PEAK1: variants seen among roughly 807,000 people sequenced by gnomAD.
The protein encoded by PEAK1 is inactive tyrosine-protein kinase PEAK1.
Under a neutral mutation model 124.7 loss-of-function variants are expected in PEAK1, and 54 were observed. The ratio of observed to expected loss-of-function variants is 0.43; its 90% CI spans 0.35 to 0.54. PEAK1 has a LOEUF of 0.54. PEAK1 is among the 20% of genes least tolerant of loss of function. The probability of loss-of-function intolerance (pLI) is 0.01; values close to 1 mark genes in which losing one functional copy is unlikely to be tolerated. For missense variants in PEAK1, 2,046 were observed against 2,134.5 expected (o/e 0.96, Z 0.82); for synonymous variants, 719 against 760.0 (o/e 0.95, Z 0.89).
At chr15:77,413,449 A>C (rs2072579739) in intron 1 of PEAK1, among the ~76,000 whole-genome samples, 1 of 152,200 alleles carries the variant, frequency 6.6e-6, no homozygotes, top group South Asian at 2.1e-4. Flanking sequence ...CCTGTATGAA[A>C]TAATAGGGGC....
intron 6 of PEAK1, among the ~76,000 whole-genome samples, chr15:77,245,166 C>T (rs1401880587): frequency 6.6e-6 from 1 of 152,080 alleles, no homozygotes; most frequent in Non-Finnish European, 1.5e-5. Context: ...GGCCAAGTAT[C>T]TTTCGTATGT....
At chr15:77,397,344 T>C (rs918026856) in intron 1 of PEAK1, among the ~76,000 whole-genome samples, 1 of 151,962 alleles carries the variant, frequency 6.6e-6, no homozygotes, top group Non-Finnish European at 1.5e-5. Context: ...TATAATCACC[T>C]ATATAAAAAC....
At chr15:77,241,945 C>T (rs572165071) in intron 6 of PEAK1, among the ~76,000 whole-genome samples, 16 of 152,010 alleles carry the variant, frequency 1.1e-4, no homozygotes, top group Non-Finnish European at 2.4e-4. Context: ...ATCAAACTCC[C>T]GCTTTTTTTC....
chr15:77,220,841 T>A (rs2152877986), intron 6 of PEAK1, among the ~76,000 whole-genome samples: 1 of 152,126 alleles, frequency 6.6e-6, no homozygotes, highest in Middle Eastern at 3.4e-3. Flanking sequence ...ATTATAGTTA[T>A]TGAAATGGAG....
Position 77,241,178 on chromosome 15 carries a change from AT to A in PEAK1, c.-115+11188del, listed in dbSNP as rs561833218. ...TCCTGGAATATACAGAAAGTCCAAA[AT>A]TTTTTTTAAAAATCCATAAATGTAA... On this transcript the variant is annotated intron_variant, in intron 6 of 9. Transcript: ENST00000682557. 1.4e-3 allele frequency among the ~76,000 whole-genome samples: 207 copies of A among 152,214 alleles called. 2 individuals are homozygous for A. The highest frequency in any genetic ancestry group is 4.7e-3 in the African/African-American group (194 of 41,552).
Position 77,115,005 on chromosome 15 carries a change from C to T in PEAK1, c.4392G>A (p.Arg1464=), listed in dbSNP as rs1202779091. ...KQRSHVVVIT[R]EVPCLTVADF... is the part of the protein sequence containing the mutation. ...CAGCCACAGTAAGACATGGAACCTC[C>T]CTGGTGATGACCACAACGTGGCTCC... is the stretch of plus-strand genomic sequence containing the variant. Residue 1464 remains arginine, a synonymous_variant, in exon 10 of 10, where the codon AGG becomes AGA. Transcript: ENST00000682557. 1.2e-6 allele frequency: 2 copies of T among 1,613,974 alleles called. No homozygotes were observed. The highest frequency in any genetic ancestry group is 1.7e-6 in the Non-Finnish European group (2 of 1,180,030).
At chr15:77,302,984 T>G (rs2063870814) in intron 2 of PEAK1, among the ~76,000 whole-genome samples, 1 of 152,154 alleles carries the variant, frequency 6.6e-6, no homozygotes, top group African/African-American at 2.4e-5. Context: ...ACTCTCTAAT[T>G]TTGCCTTTAC....
intron 7 of PEAK1, among the ~76,000 whole-genome samples, chr15:77,163,927 G>C (rs1009873613): frequency 4.6e-5 from 7 of 152,268 alleles, no homozygotes; most frequent in South Asian, 4.1e-4. Context: ...TTTTGTTACT[G>C]GTTTCCAGAG....
intron 5 of PEAK1, among the ~76,000 whole-genome samples, chr15:77,260,600 T>C (rs2061388411): frequency 6.6e-6 from 1 of 151,910 alleles, no homozygotes; most frequent in East Asian, 1.9e-4. Context: ...AGAGATAAAA[T>C]ATATAGAGAC....
rs775806560 is a variant in PEAK1, at chr15:77,114,994, C to T, written c.4403G>A (p.Cys1468Tyr). ...TCGCACAAAATCAGCCACAGTAAGA[C>T]ATGGAACCTCCCTGGTGATGACCAC... ...HVVVITREVP[C>Y]LTVADFVRDS... The change falls in exon 10 of 10, where the codon TGT (cysteine) becomes TAT (tyrosine). Residue 1468 changes from cysteine (C) to tyrosine (Y), a missense_variant. By Grantham distance (194) the Cys-to-Tyr change is radical. Coordinates refer to ENST00000682557, the MANE Select transcript of PEAK1 (RefSeq NM_001385026.1). The T allele has an allele frequency of 5.0e-6, 8 of 1,614,046 alleles. No homozygotes were observed. In the African/African-American group the frequency reaches 9.3e-5, roughly 19 times the overall value.
chr15:77,343,422 ACT>A, intron 2 of PEAK1, among the ~76,000 whole-genome samples: 1 of 147,330 alleles, frequency 6.8e-6, no homozygotes, highest in East Asian at 2.0e-4. Context: ...TTGTCTTTTC[ACT>A]CTGTTAATAG....
chr15:77,178,548 G>T, intron 7 of PEAK1: 1 of 501,550 alleles, frequency 2.0e-6, no homozygotes, highest in African/African-American at 1.9e-5. Context: ...AAGTTCCTCT[G>T]CATTCACCAG....
chr15:77,225,709 A>G (rs1283528459), intron 6 of PEAK1, among the ~76,000 whole-genome samples: 1 of 111,498 alleles, frequency 9.0e-6, no homozygotes, highest in African/African-American at 3.1e-5. Flanking sequence ...ACAATTCTAG[A>G]AAGAAGTAGA....
At chr15:77,295,835 GA>G (rs2063458036) in intron 2 of PEAK1, among the ~76,000 whole-genome samples, 1 of 152,176 alleles carries the variant, frequency 6.6e-6, no homozygotes, top group Non-Finnish European at 1.5e-5. Flanking sequence ...AACGAGGGGA[GA>G]AAGAATGTTT....
chr15:77,106,017 C>T (rs898000861), downstream of PEAK1: 1 of 152,142 alleles, frequency 6.6e-6, no homozygotes, highest in African/African-American at 2.4e-5. Flanking sequence ...AGTGATCCCA[C>T]TGAAGAATAG....
At chr15:77,265,925 C>T (rs2061700536) in intron 5 of PEAK1, among the ~76,000 whole-genome samples, 1 of 152,100 alleles carries the variant, frequency 6.6e-6, no homozygotes, top group Admixed American at 6.5e-5. Context: ...ACTATGCAGC[C>T]ATAAAAAATG....
intron 5 of PEAK1, among the ~76,000 whole-genome samples, chr15:77,282,980 A>C (rs771034753): frequency 2.6e-5 from 4 of 152,162 alleles, no homozygotes; most frequent in Non-Finnish European, 4.4e-5. Flanking sequence ...GAGAATTAAA[A>C]ACTAGCTCTA....
intron 5 of PEAK1, among the ~76,000 whole-genome samples, chr15:77,273,257 C>T (rs989304164): frequency 1.3e-5 from 2 of 152,074 alleles, no homozygotes; most frequent in Non-Finnish European, 2.9e-5. Flanking sequence ...TACTGGAAGT[C>T]CTAGCCAGAA....
rs2053629900 is a variant in PEAK1, at chr15:77,139,819, T to C, written c.3332-6069A>G. On this transcript the variant is annotated intron_variant, in intron 8 of 9. Transcript: ENST00000682557. ...AACACACATATATATACACATATAATATATATATAAATTGTGTCTATATGT... is the reference window on the plus strand; with the variant it reads ...AACACACATATATATACACATATAACATATATATAAATTGTGTCTATATGT... Among the ~76,000 whole-genome samples the C allele has an allele frequency of 2.6e-5, 4 of 151,906 alleles. No individual in the cohort carries two copies. The South Asian group carries it at 8.3e-4, about 32-fold the overall frequency.
Sources: gnomAD v4.1 joint callset for allele counts (sites outside exome capture counted in the v4.1 genomes callset) on GRCh38, gnomAD v4.1.1 for gene constraint, MANE v1.5 for transcripts, NCBI Gene and HGNC (gene_info 2026-07-23, HGNC 2026-07-21) for gene names.